The following CYP7B1 variants were observed in gnomAD, a reference collection of about 807,000 sequenced individuals.
CYP7B1 encodes the protein cytochrome P450 family 7 subfamily B member 1, also known as cytochrome P450 7B1.
A neutral mutation model predicts 42.7 loss-of-function variants in CYP7B1; 29 were observed. That is an observed-to-expected ratio of 0.68 (90% confidence interval 0.51 to 0.93). CYP7B1 has a LOEUF of 0.93. Ranked by LOEUF, CYP7B1 falls within the 40% of genes least tolerant of loss-of-function variation. The probability of loss-of-function intolerance (pLI) is 0.00; values close to 1 mark genes in which losing one functional copy is unlikely to be tolerated. For synonymous variants in CYP7B1, 235 were observed against 218.2 expected (o/e 1.08, Z -0.68); for missense variants, 655 against 600.5 (o/e 1.09, Z -0.95).
At chr8:64,718,489 C>T (rs1049030301) in intron 1 of CYP7B1, among the ~76,000 whole-genome samples, 1 of 152,188 alleles carries the variant, frequency 6.6e-6, no homozygotes, top group Non-Finnish European at 1.5e-5. Context: ...GGACATGCTG[C>T]CCTAGCCCCT....
intron 1 of CYP7B1, among the ~76,000 whole-genome samples, chr8:64,704,551 A>G (rs891382484): frequency 3.9e-5 from 6 of 152,074 alleles, no homozygotes; most frequent in Non-Finnish European, 8.8e-5. Context: ...TTCTAAGAAC[A>G]GTAGCACATT....
chr8:64,587,005 G>C (rs1339356643), downstream of CYP7B1, among the ~76,000 whole-genome samples: 2 of 152,184 alleles, frequency 1.3e-5, no homozygotes, highest in Non-Finnish European at 2.9e-5. Context: ...CTTACGGTGA[G>C]AGTCTTTTTT....
chr8:64,636,224 C>T (rs1563371672), intron 1 of CYP7B1, among the ~76,000 whole-genome samples: 2 of 152,128 alleles, frequency 1.3e-5, no homozygotes, highest in Non-Finnish European at 2.9e-5. Flanking sequence ...AATGTCACTA[C>T]CCAGAACGAG....
Position 64,596,898 on chromosome 8 carries a change from C to T in CYP7B1, c.1265G>A (p.Gly422Asp). 5.0e-6 allele frequency: 8 copies of T among 1,612,730 alleles called. No individual in the cohort carries two copies. The highest frequency in any genetic ancestry group is 4.4e-5 in the South Asian group (4 of 90,934). Residue 422 changes from glycine to aspartate, a missense_variant, in exon 6 of 6, where the codon GGT (glycine) becomes GAT (aspartate). Transcript: ENST00000310193. The part of the protein sequence containing the change: ...EFRYDRFIED[G>D]KKKTTFFKRG... Reference sequence around the variant, plus strand: ...TTTGAAAAAGGTGGTTTTCTTCTTACCATCTTCTATAAAACGATCATATCT... The same window carrying T: ...TTTGAAAAAGGTGGTTTTCTTCTTATCATCTTCTATAAAACGATCATATCT...
At chr8:64,606,795 A>G (rs957348688) in intron 4 of CYP7B1, among the ~76,000 whole-genome samples, 4 of 152,202 alleles carry the variant, frequency 2.6e-5, no homozygotes, top group Non-Finnish European at 5.9e-5. Flanking sequence ...TCAATAGACG[A>G]CAAAAGTAAT....
chr8:64,749,043 T>A (rs1807688946), intron 1 of CYP7B1, among the ~76,000 whole-genome samples: 1 of 152,094 alleles, frequency 6.6e-6, no homozygotes. Context: ...GGGAGAGACA[T>A]CATCACATTT....
intron 4 of CYP7B1, among the ~76,000 whole-genome samples, chr8:64,605,292 A>G (rs750923258): frequency 7.2e-5 from 11 of 152,252 alleles, no homozygotes; most frequent in Non-Finnish European, 1.5e-4. Flanking sequence ...TAGGCAGTTA[A>G]TAGTAAAGTA....
intron 4 of CYP7B1, among the ~76,000 whole-genome samples, chr8:64,607,111 G>T (rs1306568150): frequency 2.0e-5 from 3 of 152,064 alleles, no homozygotes; most frequent in East Asian, 3.9e-4. Context: ...TGCTAGTGCC[G>T]AACAAACAAG....
chr8:64,739,597 A>T (rs1807539620), intron 1 of CYP7B1, among the ~76,000 whole-genome samples: 1 of 152,236 alleles, frequency 6.6e-6, no homozygotes, highest in South Asian at 2.1e-4. Flanking sequence ...TGTGTAACAG[A>T]TGTATCATTA....
chr8:64,739,796 A>C (rs888181349), intron 1 of CYP7B1, among the ~76,000 whole-genome samples: 14 of 152,154 alleles, frequency 9.2e-5, no homozygotes, highest in African/African-American at 3.1e-4. Context: ...ATTAGAGAAA[A>C]TCTTGAAAGA....
At chr8:64,684,586 A>C (rs958512270) in intron 1 of CYP7B1, among the ~76,000 whole-genome samples, 3 of 152,212 alleles carry the variant, frequency 2.0e-5, no homozygotes, top group Admixed American at 1.3e-4. Context: ...AAAATGTATA[A>C]GGTCACAATC....
At chr8:64,679,593 GT>G (rs1806505905) in intron 1 of CYP7B1, among the ~76,000 whole-genome samples, 1 of 151,936 alleles carries the variant, frequency 6.6e-6, no homozygotes, top group Admixed American at 6.6e-5. Flanking sequence ...ATTTCTAAAA[GT>G]TTTATGTGAA....
Position 64,614,852 on chromosome 8 carries a change from A to G in CYP7B1, c.1057+174T>C, listed in dbSNP as rs147961646. ...TAATTACCTAGGCCTTAATGTTTAC[A>G]TGCAATGAGAGTATCTACGGCTATA... On this transcript the variant is annotated intron_variant, in intron 4 of 5. Transcript: ENST00000310193. Among the ~76,000 whole-genome samples the G allele has an allele frequency of 1.8e-3, 275 of 152,300 alleles. 2 individuals are homozygous for G. Among genetic ancestry groups the G allele is most frequent in the African/African-American group, 6.1e-3 (254 of 41,570 alleles).
intron 1 of CYP7B1, among the ~76,000 whole-genome samples, chr8:64,625,904 G>A (rs999606502): frequency 6.6e-6 from 1 of 151,580 alleles, no homozygotes; most frequent in African/African-American, 2.4e-5. Context: ...ATATAATAAA[G>A]GTATAGAGGG....
In CYP7B1 at chr8:64,595,623, G is replaced by GA. The variant is rs1037696229; in HGVS notation, c.*1018dup. Among the ~76,000 whole-genome samples the GA allele has an allele frequency of 7.3e-5, 11 of 151,552 alleles. No individual in the cohort carries two copies. The highest frequency in any genetic ancestry group is 1.3e-4 in the Non-Finnish European group (9 of 67,886). On this transcript the variant is annotated 3_prime_UTR_variant, in exon 6 of 6. Transcript: ENST00000310193. Reference sequence around the variant, plus strand: ...AACACAGCCAGATACTCTCTCAATTGAAAAAAAATCTTTGAATTATTGACA... The same window carrying GA: ...AACACAGCCAGATACTCTCTCAATTGAAAAAAAAATCTTTGAATTATTGACA...
At chr8:64,772,361 G>A (rs997245182) in intron 1 of CYP7B1, among the ~76,000 whole-genome samples, 5 of 152,226 alleles carry the variant, frequency 3.3e-5, no homozygotes, top group African/African-American at 9.6e-5. Flanking sequence ...TGGACTTTGA[G>A]TAGGACAGAT....
At position 64,624,547 on chromosome 8, in the gene CYP7B1, GAAA is replaced by G; in HGVS notation, c.123-11_123-9del. 3.2e-6 allele frequency: 4 copies of G among 1,244,834 alleles called. No homozygotes were observed. Among genetic ancestry groups the G allele is most frequent in the Non-Finnish European group, 2.2e-6 (2 of 902,290 alleles). 77.1% of individuals were successfully genotyped at this position (1,244,834 alleles called of 1,614,324 possible). On this transcript the variant is annotated splice_polypyrimidine_tract_variant and intron_variant, in intron 1 of 5. Coordinates refer to ENST00000310193, the MANE Select transcript of CYP7B1 (RefSeq NM_004820.5). ...GGAGGCTCACCGGGTCTCCTACAAGGAAAAAAAAAAAGATAAAAGAACAAAAGA... is the reference window on the plus strand; with the variant it reads ...GGAGGCTCACCGGGTCTCCTACAAGGAAAAAAAAGATAAAAGAACAAAAGA...
At chr8:64,699,765 A>G (rs1332105350) in intron 1 of CYP7B1, among the ~76,000 whole-genome samples, 1 of 152,116 alleles carries the variant, frequency 6.6e-6, no homozygotes, top group Admixed American at 6.6e-5. Context: ...AAATTACTGG[A>G]AAACCCTCAT....
At chr8:64,661,840 T>A (rs1309825785) in intron 1 of CYP7B1, among the ~76,000 whole-genome samples, 2 of 152,198 alleles carry the variant, frequency 1.3e-5, no homozygotes, top group African/African-American at 2.4e-5. Context: ...GGTTTTAATA[T>A]GAGATGTATG....
Sources: allele counts gnomAD v4.1 joint callset (sites outside exome capture counted in the v4.1 genomes callset), GRCh38; gene constraint gnomAD v4.1.1; transcripts MANE v1.5; gene names NCBI Gene and HGNC (gene_info 2026-07-23, HGNC 2026-07-21).